DYNC2I1: variants seen among roughly 807,000 people sequenced by gnomAD.
DYNC2I1 encodes cytoplasmic dynein 2 intermediate chain 1.
A neutral mutation model predicts 133.4 loss-of-function variants in DYNC2I1; 89 were observed. That is an observed-to-expected ratio of 0.67 (90% CI 0.56 to 0.80). The LOEUF is 0.80. Ranked by LOEUF, DYNC2I1 falls within the 30% of genes least tolerant of loss-of-function variation. The pLI is 0.00. For missense variants in DYNC2I1, 1,291 were observed against 1,314.5 expected, an observed-to-expected ratio of 0.98 and a Z score of 0.28; for synonymous variants, 504 against 484.3, an observed-to-expected ratio of 1.04 and a Z score of -0.54.
chr7:158,885,280 GC>G (rs1012849934), intron 6 of DYNC2I1, among the ~76,000 whole-genome samples: 3 of 151,974 alleles, frequency 2.0e-5, no homozygotes, highest in African/African-American at 4.8e-5. Context: ...TTTCGCTAAA[GC>G]AGTGATGATA....
chr7:158,888,326 T>A (rs1029456962), intron 7 of DYNC2I1, among the ~76,000 whole-genome samples: 2 of 149,614 alleles, frequency 1.3e-5, no homozygotes, highest in Admixed American at 1.3e-4. Context: ...CCCAGCCTTT[T>A]TGTTTTGTTA....
At chr7:158,905,136 T>C (rs1276460059) in intron 10 of DYNC2I1, 1 of 414,904 alleles carries the variant, frequency 2.4e-6, no homozygotes, top group African/African-American at 2.3e-5. Context: ...TTGTCTTTCT[T>C]TTTCTTTTTT....
intron 1 of DYNC2I1, among the ~76,000 whole-genome samples, chr7:158,860,629 AT>A (rs1192365460): frequency 1.3e-5 from 2 of 152,180 alleles, no homozygotes; most frequent in Non-Finnish European, 2.9e-5. Flanking sequence ...ATGACTATTA[AT>A]TTTTATGGTC....
intron 8 of DYNC2I1, among the ~76,000 whole-genome samples, chr7:158,896,714 C>T (rs933107822): frequency 1.3e-5 from 2 of 152,162 alleles, no homozygotes; most frequent in Non-Finnish European, 2.9e-5. Flanking sequence ...CTCAAGTGAT[C>T]TTACTGCCTT....
chr7:158,900,961 A>G (rs910649510), intron 8 of DYNC2I1, among the ~76,000 whole-genome samples: 3 of 151,788 alleles, frequency 2.0e-5, no homozygotes, highest in Admixed American at 6.6e-5. Context: ...CTTGCCTGCT[A>G]TCAACTTTGT....
chr7:158,957,380 T>C (rs574808739), downstream of DYNC2I1, among the ~76,000 whole-genome samples: 14 of 152,330 alleles, frequency 9.2e-5, no homozygotes, highest in South Asian at 8.3e-4. Flanking sequence ...GGGAAGTGTG[T>C]TGTGGATAGA....
At chr7:158,843,942 A>G in the DYNC2I1 span, among the ~76,000 whole-genome samples, 1 of 152,180 alleles carries the variant, frequency 6.6e-6, no homozygotes, top group South Asian at 2.1e-4. Context: ...GTAGGCAGTG[A>G]GGCAGTGGTT....
upstream of DYNC2I1, among the ~76,000 whole-genome samples, chr7:158,855,005 C>A (rs778881135): frequency 6.6e-6 from 1 of 152,222 alleles, no homozygotes; most frequent in Non-Finnish European, 1.5e-5. Flanking sequence ...TGCAAAGCAA[C>A]AGCTGTGCAT....
intron 24 of DYNC2I1, among the ~76,000 whole-genome samples, chr7:158,943,983 G>A (rs1851637066): frequency 6.6e-6 from 1 of 152,194 alleles, no homozygotes; most frequent in Non-Finnish European, 1.5e-5. Context: ...CTCTCCTCCT[G>A]TTGAGCAGCC....
chr7:158,852,330 C>T (rs1296755535), upstream of DYNC2I1, among the ~76,000 whole-genome samples: 1 of 151,826 alleles, frequency 6.6e-6, no homozygotes, highest in Non-Finnish European at 1.5e-5. Context: ...CCATGTTGGC[C>T]AGGCTAGTCT....
intron 5 of DYNC2I1, among the ~76,000 whole-genome samples, chr7:158,881,690 T>C (rs1333250223): frequency 6.6e-6 from 1 of 152,104 alleles, no homozygotes; most frequent in African/African-American, 2.4e-5. Context: ...CCTGACCTCA[T>C]GATCCGCCCG....
the DYNC2I1 span, among the ~76,000 whole-genome samples, chr7:158,848,675 A>G: frequency 1.3e-5 from 2 of 152,156 alleles, no homozygotes; most frequent in Middle Eastern, 3.2e-3. Flanking sequence ...CTGTAATCCC[A>G]GCACTTTGGG....
rs573203909 is a variant in DYNC2I1, at chr7:158,921,801, T to C, written c.1922-576T>C. 3.3e-5 allele frequency among the ~76,000 whole-genome samples: 5 copies of C among 152,330 alleles called. No homozygotes were observed. The South Asian group carries it at 1.0e-3, about 32-fold the overall frequency. The stretch of plus-strand genomic sequence containing the variant: ...CTTTGACTGAAGTTCTCGCCAGTCA[T>C]GGACTTCCTATCCTCCTGTTTCACG... On this transcript the variant is annotated intron_variant, in intron 15 of 24. Transcript: ENST00000407559.
In DYNC2I1 at chr7:158,871,420, C is replaced by G; in HGVS notation, c.348C>G (p.Ser116Arg). The G allele has an allele frequency of 6.4e-7, 1 of 1,551,530 alleles. No individual in the cohort carries two copies. Among genetic ancestry groups the G allele is most frequent in the Non-Finnish European group, 8.7e-7 (1 of 1,146,994 alleles). Residue 116 changes from serine to arginine, a missense_variant, in exon 3 of 25, where the codon AGC becomes AGG. By Grantham distance (110) the Ser-to-Arg change is moderately radical (BLOSUM62 -1). Transcript: ENST00000407559. Reference sequence around the variant, plus strand: ...ATCGAGAGGCAGAAAAGTCTCACAGCAGAGGAAAGGACAGGGAAAAAGAAA... The same window carrying G: ...ATCGAGAGGCAGAAAAGTCTCACAGGAGAGGAAAGGACAGGGAAAAAGAAA... ...EKHREAEKSH[S>R]RGKDREKEKD...
chr7:158,902,660 G>A, intron 10 of DYNC2I1, 65 bp downstream of exon 10: 2 of 1,443,926 alleles, frequency 1.4e-6, no homozygotes, highest in South Asian at 2.5e-5. Context: ...AGCCCTCACA[G>A]ATGCTGTCAC....
chr7:158,950,248 G>T (rs998177146), downstream of DYNC2I1, among the ~76,000 whole-genome samples: 1 of 152,148 alleles, frequency 6.6e-6, no homozygotes, highest in African/African-American at 2.4e-5. Context: ...ATTTTTAATA[G>T]AGATGGGGTT....
chr7:158,958,122 C>T (rs1238131487), downstream of DYNC2I1, among the ~76,000 whole-genome samples: 3 of 149,614 alleles, frequency 2.0e-5, no homozygotes, highest in Admixed American at 2.0e-4. Flanking sequence ...CTGCACCTGC[C>T]CGTCAGCCAC....
At chr7:158,841,190 TATATATATATATATATATATATA>T in the DYNC2I1 span, among the ~76,000 whole-genome samples, 12 of 87,432 alleles carry the variant, frequency 1.4e-4, 1 homozygote, top group Non-Finnish European at 2.3e-4. Flanking sequence ...TATATATATA[TATATATATATATATATATATATA>T]TATATATATT....
chr7:158,841,343 C>G, the DYNC2I1 span, among the ~76,000 whole-genome samples: 6 of 151,728 alleles, frequency 4.0e-5, no homozygotes, highest in South Asian at 2.1e-4. Context: ...TCCTGAGTAG[C>G]TGGGATTACA....
Sources: gnomAD v4.1 joint callset for allele counts (sites outside exome capture counted in the v4.1 genomes callset) on GRCh38, gnomAD v4.1.1 for gene constraint, MANE v1.5 for transcripts, NCBI Gene and HGNC (gene_info 2026-07-23, HGNC 2026-07-21) for gene names.